ZFR2: variants seen among roughly 807,000 people sequenced by gnomAD.
The protein encoded by ZFR2 is zinc finger RNA binding protein 2.
ZFR2 carries 104 observed loss-of-function variants against 105.7 expected under a neutral mutation model. That is an observed-to-expected ratio of 0.98 (90% CI 0.84 to 1.16). ZFR2 has a LOEUF of 1.16. Ranked by LOEUF, ZFR2 falls within the 50% of genes most tolerant of loss-of-function variation. The pLI, the probability that ZFR2 is intolerant of heterozygous loss-of-function variation, is 0.00. For synonymous variants in ZFR2, 634 were observed against 597.7 expected, an observed-to-expected ratio of 1.06 and a Z score of -0.89; for missense variants, 1,425 against 1,355.5, an observed-to-expected ratio of 1.05 and a Z score of -0.80.
intron 3 of ZFR2, 124 bp downstream of exon 3, chr19:3,833,540 C>T (rs550889085): frequency 4.1e-6 from 3 of 724,320 alleles, no homozygotes; most frequent in African/African-American, 3.6e-5. Context: ...CGCACCACTG[C>T]ACTCCAGCCT....
rs545974243 is a variant in ZFR2 at position 3,807,198 on chromosome 19, G to A, written c.2617C>T (p.Arg873Trp). ...DALEPMTLQE[R>W]EDVTASAQHA... is the part of the protein sequence containing the mutation. ...TGGGCGCTGGCGGTCACGTCTTCCC[G>A]CTCTTGGAGGGTCATGGGCTCGAGG... Residue 873 changes from arginine (R) to tryptophan (W), a missense_variant, in exon 18 of 19, where the codon CGG becomes TGG. By Grantham distance (101) the Arg-to-Trp change is moderately radical. Coordinates refer to ENST00000262961, the MANE Select transcript of ZFR2 (RefSeq NM_015174.2). The A allele has an allele frequency of 1.1e-5, 17 of 1,557,780 alleles. No individual in the cohort carries two copies. In the Admixed American group the frequency reaches 1.9e-4, roughly 18 times the overall value.
Position 3,818,830 on chromosome 19 carries a change from C to T in ZFR2, c.1931+215G>A, listed in dbSNP as rs534406710. Among the ~76,000 whole-genome samples the T allele has an allele frequency of 7.2e-5, 11 of 152,376 alleles. No homozygotes were observed. In the South Asian group the frequency reaches 2.3e-3, roughly 32 times the overall value. On this transcript the variant is annotated intron_variant, in intron 12 of 18. Transcript: ENST00000262961. ...AGGGAATGCTAAGGCATTAGAACAG[C>T]ACGGATCACCCGCTGCAAACCAGCC...
At position 3,843,571 on chromosome 19, in the gene ZFR2, G is replaced by A. The variant is rs549397949; in HGVS notation, c.54-8588C>T. Among the ~76,000 whole-genome samples, 12 of 151,904 alleles carry A rather than the reference G, an allele frequency of 7.9e-5. No homozygotes were observed. In the South Asian group the frequency reaches 2.1e-3, roughly 26 times the overall value. On this transcript the variant is annotated intron_variant, in intron 1 of 18. Coordinates refer to ENST00000262961, the MANE Select transcript of ZFR2 (RefSeq NM_015174.2). ...GTCCTGGCCGGGCGCGGTGGCTCACGCCTGTAATCCCAGCACTTTGGGAGG... is the reference window on the plus strand; with the variant it reads ...GTCCTGGCCGGGCGCGGTGGCTCACACCTGTAATCCCAGCACTTTGGGAGG...
rs957927271 is a variant in ZFR2 at position 3,817,573 on chromosome 19, A to G, written c.1932-728T>C. Among the ~76,000 whole-genome samples, 45 of 116,006 alleles carry G rather than the reference A, an allele frequency of 3.9e-4. 1 individual carries two copies. Among genetic ancestry groups the G allele is most frequent in the East Asian group, 2.7e-3 (10 of 3,712 alleles). The allele number at this position is 116,006 out of a possible 152,430, so 76.1% of individuals were successfully genotyped here. A position where few individuals can be genotyped will look rare whatever the true frequency, so the allele number is the denominator to read the frequency against. On this transcript the variant is annotated intron_variant, in intron 12 of 18. Transcript: ENST00000262961. ...GACTCCATCTCAAAATAATGATAAT[A>G]ATAATAATAATAATAATAATAATAA...
rs187132726 is a variant in ZFR2, at chr19:3,835,106, C to T, written c.54-123G>A. On this transcript the variant is annotated intron_variant, in intron 1 of 18. Transcript: ENST00000262961. The stretch of plus-strand genomic sequence containing the variant: ...GCTGCCCTGCTTGGTGGAGACCCTC[C>T]TAGGAGCCCAGGCACGGCCGGAAGC... 1.1e-4 allele frequency: 129 copies of T among 1,140,678 alleles called. No homozygotes were observed. In the African/African-American group the frequency reaches 1.5e-3, roughly 14 times the overall value. The allele number at this position is 1,140,678 out of a possible 1,614,324, so 70.7% of individuals were successfully genotyped here.
intron 1 of ZFR2, among the ~76,000 whole-genome samples, chr19:3,857,695 CAA>C (rs11367233): frequency 3.5e-3 from 368 of 104,346 alleles, no homozygotes; most frequent in African/African-American, 8.5e-3. Flanking sequence ...GACCCTGTCT[CAA>C]AAAAAAAAAA....
intron 3 of ZFR2, among the ~76,000 whole-genome samples, chr19:3,832,961 C>A (rs2038035370): frequency 6.8e-6 from 1 of 147,296 alleles, no homozygotes; most frequent in Admixed American, 6.8e-5. Flanking sequence ...TAACATGTAA[C>A]TTTCACGGGG....
chr19:3,807,892 C>CGT (rs559957413), intron 17 of ZFR2, among the ~76,000 whole-genome samples: 1 of 144,618 alleles, frequency 6.9e-6, no homozygotes. Context: ...CATGTGTGCC[C>CGT]GTGTGCACTC....
intron 1 of ZFR2, among the ~76,000 whole-genome samples, chr19:3,865,450 G>C (rs141326593): frequency 6.6e-6 from 1 of 151,494 alleles, no homozygotes; most frequent in East Asian, 2.0e-4. Flanking sequence ...CCTGGGCTCA[G>C]GTGATCCTCC....
At chr19:3,807,095 A>T (rs2037704681) in intron 18 of ZFR2, 77 bp downstream of exon 18, 1 of 1,144,618 alleles carries the variant, frequency 8.7e-7, no homozygotes, top group Non-Finnish European at 1.2e-6. Context: ...AACCCAGGCC[A>T]TTTCGGGGAA....
Position 3,807,267 on chromosome 19 carries a change from C to T in ZFR2, c.2548G>A (p.Gly850Arg), listed in dbSNP as rs777434625. 1.9e-6 allele frequency: 3 copies of T among 1,554,052 alleles called. No individual in the cohort carries two copies. Among genetic ancestry groups the T allele is most frequent in the Admixed American group, 1.9e-5 (1 of 51,332 alleles). The change falls in exon 18 of 19, where the codon GGG becomes AGG. Residue 850 changes from glycine to arginine, a missense_variant and splice_region_variant. Gly to Arg is a moderately radical substitution (Grantham distance 125). Coordinates refer to ENST00000262961, the MANE Select transcript of ZFR2 (RefSeq NM_015174.2). ...CVATGTLLTD[G>R]PGLQDPCERD... ...TCGCAGGGATCCTGGAGCCCGGGCCCGTCTTTGTGACGGGGAGTGGGAACA... is the reference window on the plus strand; with the variant it reads ...TCGCAGGGATCCTGGAGCCCGGGCCTGTCTTTGTGACGGGGAGTGGGAACA...
chr19:3,846,127 C>A (rs901459714), intron 1 of ZFR2, among the ~76,000 whole-genome samples: 1 of 152,242 alleles, frequency 6.6e-6, no homozygotes, highest in African/African-American at 2.4e-5. Context: ...AAGGCGTGTG[C>A]CACCACGCCT....
chr19:3,854,533 C>T (rs1386920550), intron 1 of ZFR2, among the ~76,000 whole-genome samples: 1 of 152,118 alleles, frequency 6.6e-6, no homozygotes, highest in East Asian at 1.9e-4. Context: ...CGGACCAAAA[C>T]CAAAAGTCGA....
chr19:3,807,577 A>G (rs1212772839), intron 17 of ZFR2, among the ~76,000 whole-genome samples: 1 of 150,698 alleles, frequency 6.6e-6, no homozygotes, highest in Non-Finnish European at 1.5e-5. Context: ...ATGCGTGCCC[A>G]TGTGCACGTG....
intron 6 of ZFR2, among the ~76,000 whole-genome samples, chr19:3,826,917 T>A (rs894393664): frequency 3.3e-5 from 5 of 152,146 alleles, no homozygotes; most frequent in African/African-American, 1.2e-4. Context: ...CCACTTCATG[T>A]TTTTGTGCAA....
chr19:3,834,681 GAGA>G lies in ZFR2; in HGVS notation c.264+89_264+91del. 3.0e-6 allele frequency: 4 copies of G among 1,320,882 alleles called. No individual in the cohort carries two copies. The highest frequency in any genetic ancestry group is 4.2e-6 in the Non-Finnish European group (4 of 943,492). 81.8% of individuals were successfully genotyped at this position (1,320,882 alleles called of 1,614,324 possible). On this transcript the variant is annotated intron_variant, in intron 2 of 18. Transcript: ENST00000262961. The surrounding 1 kb of genome is among the most constrained non-coding windows in gnomAD (Gnocchi z 5.3). ...GAAGGATCACGGTTAAGAGGCCTGG[GAGA>G]AGGAGTAGCTGTGGGAAGCCCACCG... is the stretch of plus-strand genomic sequence containing the variant.
rs141024172 is a variant in ZFR2, at chr19:3,823,213, C to T, written c.1371+33G>A. 6.2e-7 allele frequency: 1 copy of T among 1,613,560 alleles called. No individual in the cohort carries two copies. The highest frequency in any genetic ancestry group is 2.2e-5 in the East Asian group (1 of 44,862). ...GATCCATGGGAAGGTCCTTCCCTGACCGGGGCACCAGGACTTGACAGCCTC... is the reference window on the plus strand; with the variant it reads ...GATCCATGGGAAGGTCCTTCCCTGATCGGGGCACCAGGACTTGACAGCCTC... On this transcript the variant is annotated intron_variant, in intron 8 of 18. Coordinates refer to ENST00000262961, the MANE Select transcript of ZFR2 (RefSeq NM_015174.2). This position sits in a 1 kb window ranked among gnomAD's most constrained non-coding sequence, Gnocchi z 5.4.
intron 1 of ZFR2, among the ~76,000 whole-genome samples, chr19:3,867,133 G>C (rs1415007414): frequency 1.0e-4 from 12 of 115,966 alleles, no homozygotes; most frequent in Non-Finnish European, 2.0e-4. Flanking sequence ...AATGCAGTAG[G>C]AACACCGCGG....
At chr19:3,818,636 C>A (rs573934209) in intron 12 of ZFR2, among the ~76,000 whole-genome samples, 1 of 152,186 alleles carries the variant, frequency 6.6e-6, no homozygotes, top group African/African-American at 2.4e-5. Context: ...GGAGCTGATT[C>A]ACACGGGCAC....
Sources: gnomAD v4.1 joint callset for allele counts (sites outside exome capture counted in the v4.1 genomes callset) on GRCh38, gnomAD v4.1.1 for gene constraint, Gnocchi (gnomAD v3.1) non-coding constraint, MANE v1.5 for transcripts, NCBI Gene and HGNC (gene_info 2026-07-23, HGNC 2026-07-21) for gene names.